BMP1: variants seen among roughly 807,000 people sequenced by gnomAD.
The protein encoded by BMP1 is bone morphogenetic protein 1.
BMP1 carries 63 observed loss-of-function variants against 116.8 expected under a neutral mutation model. The observed-to-expected ratio is 0.54, with a 90% CI of 0.44 to 0.67. The LOEUF is 0.67. BMP1 is among the 30% of genes least tolerant of loss of function. The probability of loss-of-function intolerance (pLI) is 0.00; values close to 1 mark genes in which losing one functional copy is unlikely to be tolerated. For synonymous variants in BMP1, 536 were observed against 533.4 expected, an observed-to-expected ratio of 1.00 and a Z score of -0.07; for missense variants, 1,183 against 1,358.9, an observed-to-expected ratio of 0.87 and a Z score of 2.04.
intron 1 of BMP1, 66 bp downstream of exon 1, chr8:22,165,619 G>A: frequency 1.3e-6 from 2 of 1,491,962 alleles, no homozygotes; most frequent in East Asian, 2.8e-5. Context: ...CGGGCTTGGG[G>A]TTGGGGGAGG....
intron 13 of BMP1, chr8:22,196,445 A>G: frequency 1.6e-6 from 1 of 614,492 alleles, no homozygotes; most frequent in Non-Finnish European, 2.9e-6. Context: ...GAAGATAGAA[A>G]TGGCCACACT....
chr8:22,201,528 G>A (rs942741422), intron 15 of BMP1: 1 of 1,410,040 alleles, frequency 7.1e-7, no homozygotes. Flanking sequence ...CATCTGTCCA[G>A]TAAGCAGGTA....
chr8:22,197,305 G>A lies in BMP1; in HGVS notation c.1992G>A (p.Lys664=). The A allele has an allele frequency of 1.2e-6, 2 of 1,614,040 alleles. No individual in the cohort carries two copies. Among genetic ancestry groups the A allele is most frequent in the Non-Finnish European group, 1.7e-6 (2 of 1,179,926 alleles). ...CAGCTGACTCCAAGCTGCATGGCAA[G>A]TTCTGTGGTTCTGAGAAGCCCGAGG... ...GLTADSKLHG[K]FCGSEKPEVI... Residue 664 remains lysine, a synonymous_variant, in exon 15 of 20, where the codon AAG becomes AAA. Transcript: ENST00000306385.
Position 22,172,161 on chromosome 8 carries a change from C to CT in BMP1, c.149-1440dup, listed in dbSNP as rs11399113. Among the ~76,000 whole-genome samples, 1,041 of 152,322 alleles carry CT rather than the reference C, an allele frequency of 6.8e-3. 15 individuals carry two copies. Among genetic ancestry groups the CT allele is most frequent in the African/African-American group, 0.023 (966 of 41,566 alleles). On this transcript the variant is annotated intron_variant, in intron 1 of 19. Transcript: ENST00000306385. ...AATTTGTGTAACGCGACCGCCAGGC[C>CT]TGTATAGCACTCTGCCTGGATGAGA... is the stretch of plus-strand genomic sequence containing the variant.
At chr8:22,209,785 G>A (rs1244572071) in intron 19 of BMP1, 90 bp downstream of exon 19, 35 of 1,414,910 alleles carry the variant, frequency 2.5e-5, no homozygotes, top group African/African-American at 4.3e-5. Flanking sequence ...AAGACCTAGC[G>A]CCCACACAGG....
intron 8 of BMP1, among the ~76,000 whole-genome samples, chr8:22,188,900 G>T (rs1013464601): frequency 9.2e-5 from 14 of 152,252 alleles, no homozygotes; most frequent in African/African-American, 3.4e-4. Flanking sequence ...CAGCTGCTGA[G>T]CAGAACTGCC....
At chr8:22,182,293 C>T (rs924707416) in intron 8 of BMP1, among the ~76,000 whole-genome samples, 1 of 152,240 alleles carries the variant, frequency 6.6e-6, no homozygotes, top group African/African-American at 2.4e-5. Context: ...TCTAGGTCTT[C>T]GTCCTGGCCT....
chr8:22,169,432 T>C (rs535952688), intron 1 of BMP1: 3 of 152,428 alleles, frequency 2.0e-5, no homozygotes, highest in Admixed American at 6.5e-5. Context: ...CCTGCAGTTA[T>C]GTGTGTGTTT....
intron 15 of BMP1, chr8:22,201,571 A>T: frequency 7.2e-7 from 1 of 1,398,180 alleles, no homozygotes. Context: ...TCGGACCCCC[A>T]TCCTCCTCTC....
chr8:22,197,505 C>T, intron 15 of BMP1, 85 bp downstream of exon 15: 2 of 1,437,518 alleles, frequency 1.4e-6, no homozygotes, highest in South Asian at 2.8e-5. Context: ...CCCCTGTACT[C>T]CCCAGCCCTC....
At chr8:22,196,930 G>A in intron 14 of BMP1, 90 bp downstream of exon 14, 1 of 1,446,112 alleles carries the variant, frequency 6.9e-7, no homozygotes, top group Non-Finnish European at 9.3e-7. Context: ...CTGAGAGGGG[G>A]CCCGGCAGAA....
chr8:22,194,735 C>T lies in BMP1; in HGVS notation c.1455C>T (p.His485=), dbSNP rs776962808. Residue 485 remains histidine, a synonymous_variant, in exon 12 of 20, where the codon CAC becomes CAT. Coordinates refer to ENST00000306385, the MANE Select transcript of BMP1 (RefSeq NM_006129.5). The surrounding 1 kb of genome is among the most constrained non-coding windows in gnomAD (Gnocchi z 4.5). ...LTFQSFEIER[H]DSCAYDYLEV... ...GCCTCGACCCCTAGATTGAGCGCCA[C>T]GACAGCTGTGCCTACGACTATCTGG... The T allele has an allele frequency of 2.0e-5, 32 of 1,605,462 alleles. No individual in the cohort carries two copies. Among genetic ancestry groups the T allele is most frequent in the Non-Finnish European group, 2.5e-5 (29 of 1,175,078 alleles).
intron 16 of BMP1, 111 bp downstream of exon 16, chr8:22,202,039 C>A: frequency 1.4e-6 from 2 of 1,423,362 alleles, no homozygotes; most frequent in Non-Finnish European, 1.9e-6. Flanking sequence ...CCTGTATGAT[C>A]TCTAAGGCCC....
intron 2 of BMP1, 26 bp downstream of exon 2, chr8:22,173,741 TG>T (rs775346036): frequency 1.3e-5 from 21 of 1,572,224 alleles, no homozygotes; most frequent in Non-Finnish European, 1.7e-5. Flanking sequence ...ATGGGCCCTC[TG>T]TGTCCTAGAA....
chr8:22,181,461 C>T (rs2131857340), intron 8 of BMP1, among the ~76,000 whole-genome samples: 1 of 152,260 alleles, frequency 6.6e-6, no homozygotes, highest in South Asian at 2.1e-4. Flanking sequence ...TCAGGTTTCC[C>T]ACTGCATGGT....
In BMP1 at chr8:22,197,289, C is replaced by G. The variant is rs988418972; in HGVS notation, c.1976C>G (p.Ser659Cys). ...GTGCGCAGTGGACTCACAGCTGACT[C>G]CAAGCTGCATGGCAAGTTCTGTGGT... ...VEVRSGLTADSKLHGKFCGSE... is the reference protein window; with the variant it reads ...VEVRSGLTADCKLHGKFCGSE... Residue 659 changes from serine to cysteine, a missense_variant, in exon 15 of 20, where the codon TCC becomes TGC. By Grantham distance (112) the Ser-to-Cys change is moderately radical. Coordinates refer to ENST00000306385, the MANE Select transcript of BMP1 (RefSeq NM_006129.5). The G allele has an allele frequency of 1.9e-6, 3 of 1,613,958 alleles. No homozygotes were observed. Among genetic ancestry groups the G allele is most frequent in the East Asian group, 4.5e-5 (2 of 44,870 alleles).
chr8:22,199,028 AGG>A, intron 15 of BMP1: 1 of 1,336,518 alleles, frequency 7.5e-7, no homozygotes, highest in Non-Finnish European at 1.0e-6. Flanking sequence ...CCAGTCTTGG[AGG>A]GGGCAGGGGA....
intron 16 of BMP1, among the ~76,000 whole-genome samples, chr8:22,205,909 A>AAAGCCCTCAAG (rs1375199958): frequency 1.3e-5 from 2 of 152,230 alleles, no homozygotes; most frequent in African/African-American, 4.8e-5. Flanking sequence ...GGATGATGAC[A>AAAGCCCTCAAG]AAGCCCTCAA....
chr8:22,168,790 G>A (rs1423612466), intron 1 of BMP1, among the ~76,000 whole-genome samples: 3 of 146,974 alleles, frequency 2.0e-5, no homozygotes, highest in African/African-American at 2.5e-5. Context: ...TTTCAGTGCC[G>A]CAAGGGGTGA....
Sources: allele counts gnomAD v4.1 joint callset (sites outside exome capture counted in the v4.1 genomes callset), GRCh38; gene constraint gnomAD v4.1.1; non-coding constraint Gnocchi (gnomAD v3.1); transcripts MANE v1.5; gene names NCBI Gene and HGNC (gene_info 2026-07-23, HGNC 2026-07-21).